DNM3: variants seen among roughly 807,000 people sequenced by gnomAD.
The protein encoded by DNM3 is dynamin 3, also known as dynamin-3.
In DNM3, 47 loss-of-function variants were observed where a neutral mutation model predicts 101.6. That is an observed-to-expected ratio of 0.46 (90% CI 0.37 to 0.59). The LOEUF is 0.59. Among genes scored for constraint, DNM3 ranks in the 20% least tolerant of loss-of-function variants. DNM3 has a pLI of 0.00. For synonymous variants in DNM3, 385 were observed against 387.9 expected, an observed-to-expected ratio of 0.99 and a Z score of 0.09; for missense variants, 849 against 1,085.7, an observed-to-expected ratio of 0.78 and a Z score of 3.06.
In DNM3 at chr1:172,411,512, T is replaced by C. The variant is rs752928677; in HGVS notation, c.*3671T>C. The stretch of plus-strand genomic sequence containing the variant: ...TCTTAAAAAGCCAAGTTGATATACA[T>C]AGTCATTTTTCCTCTATGGTAGAAG... On this transcript the variant is annotated 3_prime_UTR_variant, in exon 21 of 21. Coordinates refer to ENST00000627582, the MANE Select transcript of DNM3 (RefSeq NM_015569.5). 4.1e-6 allele frequency: 4 copies of C among 981,806 alleles called. No individual in the cohort carries two copies. Among genetic ancestry groups the C allele is most frequent in the Non-Finnish European group, 4.8e-6 (4 of 828,752 alleles). 60.8% of individuals were successfully genotyped at this position (981,806 alleles called of 1,614,324 possible).
intron 1 of DNM3, among the ~76,000 whole-genome samples, chr1:171,876,226 T>G (rs2035770839): frequency 6.6e-6 from 1 of 152,120 alleles, no homozygotes; most frequent in South Asian, 2.1e-4. Flanking sequence ...GGTGAGACAG[T>G]AGGTGGATCA....
intron 14 of DNM3, among the ~76,000 whole-genome samples, chr1:172,152,887 A>G (rs1017531697): frequency 2.6e-5 from 4 of 152,216 alleles, no homozygotes; most frequent in Non-Finnish European, 4.4e-5. Context: ...TTGCTTACCA[A>G]TGTACAATGT....
intron 14 of DNM3, among the ~76,000 whole-genome samples, chr1:172,136,053 G>T (rs2057209639): frequency 6.6e-6 from 1 of 151,940 alleles, no homozygotes; most frequent in Non-Finnish European, 1.5e-5. Context: ...ATGCAACATA[G>T]GCGTTTCCAG....
At chr1:172,172,661 T>C (rs1366104647) in intron 14 of DNM3, among the ~76,000 whole-genome samples, 1 of 151,728 alleles carries the variant, frequency 6.6e-6, no homozygotes, top group Admixed American at 6.6e-5. Context: ...TGGTGGGTCA[T>C]GTGACCAATA....
At chr1:171,987,121 G>A (rs6702539) in intron 2 of DNM3, among the ~76,000 whole-genome samples, 47,243 of 151,916 alleles carry the variant, frequency 0.31, 11,108 homozygotes, top group African/African-American at 0.67. Context: ...AATTGTCTTT[G>A]TATAAGTTGA....
At chr1:172,357,414 G>A (rs77698820) in intron 17 of DNM3, among the ~76,000 whole-genome samples, 4 of 152,178 alleles carry the variant, frequency 2.6e-5, no homozygotes, top group Non-Finnish European at 4.4e-5. Flanking sequence ...CTGATGTAAT[G>A]CACTGAGAAA....
intron 1 of DNM3, among the ~76,000 whole-genome samples, chr1:171,891,289 T>C (rs917021504): frequency 2.0e-5 from 3 of 151,720 alleles, no homozygotes; most frequent in African/African-American, 7.3e-5. Context: ...TTTTTTCAAA[T>C]GAACGTTTTC....
intron 13 of DNM3, among the ~76,000 whole-genome samples, chr1:172,093,398 T>C (rs536063308): frequency 6.6e-6 from 1 of 152,346 alleles, no homozygotes; most frequent in Non-Finnish European, 1.5e-5. Flanking sequence ...TTTTGTGTTT[T>C]GGGCTGACCA....
chr1:172,248,014 C>A (rs2062026410), intron 14 of DNM3, among the ~76,000 whole-genome samples: 1 of 152,020 alleles, frequency 6.6e-6, no homozygotes, highest in African/African-American at 2.4e-5. Context: ...AATATAATCT[C>A]TTTTAAGTTC....
chr1:172,347,991 A>T (rs1372353538), intron 17 of DNM3, among the ~76,000 whole-genome samples: 1 of 152,098 alleles, frequency 6.6e-6, no homozygotes, highest in Non-Finnish European at 1.5e-5. Flanking sequence ...AACTAAAAAT[A>T]ACTGATAAAA....
chr1:171,894,006 T>C (rs1389654027), intron 1 of DNM3, among the ~76,000 whole-genome samples: 2 of 151,886 alleles, frequency 1.3e-5, no homozygotes, highest in African/African-American at 4.8e-5. Flanking sequence ...GTATTTTTAG[T>C]AGAGATGGGA....
At chr1:172,168,003 T>C (rs1206145944) in intron 14 of DNM3, among the ~76,000 whole-genome samples, 1 of 151,998 alleles carries the variant, frequency 6.6e-6, no homozygotes, top group African/African-American at 2.4e-5. Flanking sequence ...GATAAAAGAC[T>C]ACAAAGGGAA....
chr1:172,412,376 G>A lies in DNM3; in HGVS notation c.*4535G>A. The A allele has an allele frequency of 1.0e-6, 1 of 985,686 alleles. No individual in the cohort carries two copies. Among genetic ancestry groups the A allele is most frequent in the Non-Finnish European group, 1.2e-6 (1 of 829,874 alleles). 61.1% of individuals were successfully genotyped at this position (985,686 alleles called of 1,614,324 possible). A position where few individuals can be genotyped will look rare whatever the true frequency, so the allele number is the denominator to read the frequency against. On this transcript the variant is annotated 3_prime_UTR_variant, in exon 21 of 21. Transcript: ENST00000627582. ...TAATTCCACCAGTACTACTTGATTTGTGTTATATTTCCTATGTACATGTAC... is the reference window on the plus strand; with the variant it reads ...TAATTCCACCAGTACTACTTGATTTATGTTATATTTCCTATGTACATGTAC...
chr1:172,288,037 C>A (rs944545620), intron 15 of DNM3, among the ~76,000 whole-genome samples: 1 of 152,082 alleles, frequency 6.6e-6, no homozygotes, highest in Non-Finnish European at 1.5e-5. Flanking sequence ...CAACCATTGG[C>A]GAACACTTTA....
rs977845296 is a variant in DNM3, at chr1:172,094,821, A to G, written c.1545+1946A>G. On this transcript the variant is annotated intron_variant, in intron 13 of 20. Coordinates refer to ENST00000627582, the MANE Select transcript of DNM3 (RefSeq NM_015569.5). ...TATGGAAATTGTTCTGATGCCTGCAATGCCCAGATTGTGGTTGGATATGAT... is the reference window on the plus strand; with the variant it reads ...TATGGAAATTGTTCTGATGCCTGCAGTGCCCAGATTGTGGTTGGATATGAT... Among the ~76,000 whole-genome samples the G allele has an allele frequency of 3.3e-5, 5 of 152,244 alleles. No homozygotes were observed. In the East Asian group the frequency reaches 9.6e-4, roughly 29 times the overall value.
chr1:171,950,230 G>T (rs2042431260), intron 2 of DNM3, among the ~76,000 whole-genome samples: 1 of 152,162 alleles, frequency 6.6e-6, no homozygotes, highest in Non-Finnish European at 1.5e-5. Context: ...TATATAGTAT[G>T]ATTCTGCAGA....
chr1:172,268,931 C>G (rs966925362), intron 15 of DNM3, among the ~76,000 whole-genome samples: 1 of 152,070 alleles, frequency 6.6e-6, no homozygotes, highest in African/African-American at 2.4e-5. Context: ...GCTTAAAACA[C>G]CTGTGTGAAG....
chr1:171,952,549 C>T (rs969357137), intron 2 of DNM3, among the ~76,000 whole-genome samples: 3 of 152,102 alleles, frequency 2.0e-5, no homozygotes, highest in Non-Finnish European at 4.4e-5. Context: ...TTCAAATTTT[C>T]AGGTTTCTCT....
chr1:172,195,946 G>T (rs2059932241), intron 14 of DNM3, among the ~76,000 whole-genome samples: 1 of 151,326 alleles, frequency 6.6e-6, no homozygotes, highest in Non-Finnish European at 1.5e-5. Context: ...ACATATGAAG[G>T]TTTGTTACGT....
Sources: gnomAD v4.1 joint callset for allele counts (sites outside exome capture counted in the v4.1 genomes callset) on GRCh38, gnomAD v4.1.1 for gene constraint, MANE v1.5 for transcripts, NCBI Gene and HGNC (gene_info 2026-07-23, HGNC 2026-07-21) for gene names.